GTF3C6: variants seen among roughly 807,000 people sequenced by gnomAD.
GTF3C6 encodes general transcription factor 3C polypeptide 6.
A neutral mutation model predicts 19.2 loss-of-function variants in GTF3C6; 11 were observed. The observed-to-expected ratio is 0.57, with a 90% CI of 0.36 to 0.95. GTF3C6 has a LOEUF of 0.95. Ranked by LOEUF, GTF3C6 falls within the 40% of genes least tolerant of loss-of-function variation. The pLI is 0.01. For missense variants in GTF3C6, 222 were observed against 254.7 expected (o/e 0.87, Z 0.87); for synonymous variants, 87 against 84.2 (o/e 1.03, Z -0.18).
In GTF3C6 at chr6:110,960,407, G is replaced by C. The variant is rs201447920; in HGVS notation, c.139-7G>C. 6.2e-7 allele frequency: 1 copy of C among 1,607,328 alleles called. No homozygotes were observed. The highest frequency in any genetic ancestry group is 2.2e-5 in the East Asian group (1 of 44,852). On this transcript the variant is annotated splice_polypyrimidine_tract_variant and splice_region_variant and intron_variant, in intron 2 of 5. Coordinates refer to ENST00000329970, the MANE Select transcript of GTF3C6 (RefSeq NM_138408.4). ...TTTTTTTTTTATGATCCTTTATTCT[G>C]TTGTAGGGCATTGACACTGAGAGGC...
chr6:110,963,010 G>C (rs9374230), intron 5 of GTF3C6, among the ~76,000 whole-genome samples: 37,567 of 151,878 alleles, frequency 0.25, 5,368 homozygotes, highest in East Asian at 0.65. Context: ...ATCTCTTGAC[G>C]TCATGATCCG....
At chr6:110,966,416 G>C (rs1035938233) in intron 5 of GTF3C6, among the ~76,000 whole-genome samples, 55 of 152,176 alleles carry the variant, frequency 3.6e-4, no homozygotes, top group African/African-American at 1.3e-3. Context: ...GGCGGAGGTT[G>C]CAGTGAGCCG....
chr6:110,959,136 G>C (rs769484068), intron 1 of GTF3C6, 36 bp from the exon 2 acceptor site: 2 of 1,453,926 alleles, frequency 1.4e-6, no homozygotes, highest in African/African-American at 2.8e-5. Flanking sequence ...TTGGCCGCTC[G>C]CGTGCTAGCA....
At chr6:110,964,877 G>C (rs185681099) in intron 5 of GTF3C6, among the ~76,000 whole-genome samples, 1 of 149,612 alleles carries the variant, frequency 6.7e-6, no homozygotes, top group African/African-American at 2.5e-5. Flanking sequence ...TTGTTGCCCA[G>C]GCTGGAGTAC....
chr6:110,959,973 AT>A (rs769166105), intron 2 of GTF3C6, among the ~76,000 whole-genome samples: 47 of 151,122 alleles, frequency 3.1e-4, no homozygotes, highest in African/African-American at 7.1e-4. Context: ...AAAAAAAAAA[AT>A]AATAATAATA....
chr6:110,961,296 G>A (rs1220214209), intron 4 of GTF3C6, among the ~76,000 whole-genome samples: 1 of 151,556 alleles, frequency 6.6e-6, no homozygotes, highest in African/African-American at 2.4e-5. Context: ...GATTACAGGC[G>A]CCTGCCACCA....
intron 5 of GTF3C6, among the ~76,000 whole-genome samples, chr6:110,966,627 A>G (rs1003025784): frequency 1.3e-5 from 2 of 152,190 alleles, no homozygotes; most frequent in Non-Finnish European, 2.9e-5. Flanking sequence ...GCTGGAGGCA[A>G]AACAGGACAG....
chr6:110,966,567 G>A (rs1303816748), intron 5 of GTF3C6, among the ~76,000 whole-genome samples: 2 of 152,190 alleles, frequency 1.3e-5, no homozygotes, highest in African/African-American at 4.8e-5. Context: ...CCAGGAAGGT[G>A]AAGATCATTG....
intron 4 of GTF3C6, among the ~76,000 whole-genome samples, chr6:110,961,989 G>A (rs776691820): frequency 4.6e-5 from 7 of 151,718 alleles, no homozygotes; most frequent in South Asian, 2.1e-4. Context: ...TGCAACCTCC[G>A]CCTCCTGGGT....
At chr6:110,959,073 G>T in intron 1 of GTF3C6, 99 bp from the exon 2 acceptor site, 5 of 945,972 alleles carry the variant, frequency 5.3e-6, no homozygotes, top group Non-Finnish European at 8.6e-6. Context: ...TGAAAACAGG[G>T]TCCGGTTTTC....
intron 2 of GTF3C6, among the ~76,000 whole-genome samples, chr6:110,959,974 T>A (rs12197138): frequency 0.063 from 9,384 of 148,796 alleles, 286 homozygotes; most frequent in Middle Eastern, 0.097. Context: ...AAAAAAAAAA[T>A]AATAATAATA....
chr6:110,959,157 T>C lies in GTF3C6; in HGVS notation c.58-15T>C, dbSNP rs1227039747. ...GCTCGCGTGCTAGCATGTTAACCCCTCTTTCTTTCACCAGGAGCAGTTGGT... is the reference window on the plus strand; with the variant it reads ...GCTCGCGTGCTAGCATGTTAACCCCCCTTTCTTTCACCAGGAGCAGTTGGT... On this transcript the variant is annotated splice_polypyrimidine_tract_variant and intron_variant, in intron 1 of 5. Coordinates refer to ENST00000329970, the MANE Select transcript of GTF3C6 (RefSeq NM_138408.4). The C allele has an allele frequency of 8.8e-6, 14 of 1,587,790 alleles. No individual in the cohort carries two copies. The Admixed American group carries it at 1.7e-4, about 19-fold the overall frequency.
intron 2 of GTF3C6, among the ~76,000 whole-genome samples, chr6:110,959,613 C>T (rs1387317187): frequency 6.6e-6 from 1 of 151,422 alleles, no homozygotes; most frequent in Non-Finnish European, 1.5e-5. Context: ...CACTTGAGCC[C>T]AGGAATTGGA....
At chr6:110,960,674 A>C (rs1771148344) in intron 4 of GTF3C6, 58 bp downstream of exon 4, 1 of 1,234,806 alleles carries the variant, frequency 8.1e-7, no homozygotes, top group Non-Finnish European at 1.2e-6. Flanking sequence ...ATACTTAAGC[A>C]TAATAAATAT....
intron 4 of GTF3C6, 39 bp downstream of exon 4, chr6:110,960,655 A>G: frequency 6.9e-7 from 1 of 1,443,606 alleles, no homozygotes; most frequent in Non-Finnish European, 9.7e-7. Context: ...AATACGAACT[A>G]TTTCAATCAT....
intron 4 of GTF3C6, among the ~76,000 whole-genome samples, 155 bp from the exon 5 acceptor site, chr6:110,962,237 T>C (rs1223148953): frequency 1.3e-5 from 2 of 152,164 alleles, no homozygotes; most frequent in African/African-American, 2.4e-5. Context: ...TTTTCTATGC[T>C]TGGAGCAGGA....
Position 110,960,421 on chromosome 6 carries a change from A to T in GTF3C6, c.146A>T (p.Asp49Val), listed in dbSNP as rs763101399. Residue 49 changes from aspartate (D) to valine (V), a missense_variant, in exon 3 of 6, where the codon GAC (aspartate) becomes GTC (valine). Coordinates refer to ENST00000329970, the MANE Select transcript of GTF3C6 (RefSeq NM_138408.4). ...CENKCKVLGIDTERPILQVDS... is the reference protein window; with the variant it reads ...CENKCKVLGIVTERPILQVDS... The stretch of plus-strand genomic sequence containing the variant: ...TCCTTTATTCTGTTGTAGGGCATTG[A>T]CACTGAGAGGCCCATTCTGCAAGTG... 1 of 1,612,958 alleles carries T rather than the reference A, an allele frequency of 6.2e-7. No individual in the cohort carries two copies. The highest frequency in any genetic ancestry group is 8.5e-7 in the Non-Finnish European group (1 of 1,179,456).
intron 4 of GTF3C6, among the ~76,000 whole-genome samples, chr6:110,962,155 C>T (rs1227722621): frequency 6.6e-6 from 1 of 152,132 alleles, no homozygotes; most frequent in Non-Finnish European, 1.5e-5. Flanking sequence ...CCACTCGCCT[C>T]GGCCTCCCAA....
At chr6:110,964,002 A>G (rs958078191) in intron 5 of GTF3C6, among the ~76,000 whole-genome samples, 2 of 152,022 alleles carry the variant, frequency 1.3e-5, no homozygotes, top group African/African-American at 4.8e-5. Context: ...GCCCCTGGCC[A>G]AAAGCTGGCT....
Sources: gnomAD v4.1 joint callset for allele counts (sites outside exome capture counted in the v4.1 genomes callset) on GRCh38, gnomAD v4.1.1 for gene constraint, MANE v1.5 for transcripts, NCBI Gene and HGNC (gene_info 2026-07-23, HGNC 2026-07-21) for gene names.